The following TMEM163 variants were observed in gnomAD, a reference collection of about 807,000 sequenced individuals.
TMEM163 encodes the protein transmembrane protein 163.
In TMEM163, 17 loss-of-function variants were observed where a neutral mutation model predicts 29.3. The ratio of observed to expected loss-of-function variants is 0.58; its 90% CI spans 0.40 to 0.87. The LOEUF (loss-of-function observed/expected upper bound fraction) is 0.87, where lower values mean the gene tolerates loss of function less well. Ranked by LOEUF, TMEM163 falls within the 40% of genes least tolerant of loss-of-function variation. The pLI, the probability that TMEM163 is intolerant of heterozygous loss-of-function variation, is 0.00. For missense variants in TMEM163, 303 were observed against 381.5 expected (o/e 0.79, Z 1.71); for synonymous variants, 157 against 160.6 (o/e 0.98, Z 0.17).
At chr2:134,635,544 C>A (rs555576507) in intron 2 of TMEM163, among the ~76,000 whole-genome samples, 2 of 152,216 alleles carry the variant, frequency 1.3e-5, no homozygotes, top group Non-Finnish European at 2.9e-5. Context: ...TTCGATGCCG[C>A]TAGAGTCCTG....
chr2:134,491,472 CT>C (rs1679428765), intron 5 of TMEM163, among the ~76,000 whole-genome samples: 1 of 106,178 alleles, frequency 9.4e-6, no homozygotes, highest in Non-Finnish European at 2.2e-5. Context: ...TATCAGGAAA[CT>C]TGGCCAGTTG....
intron 2 of TMEM163, among the ~76,000 whole-genome samples, chr2:134,678,251 G>A (rs1441099956): frequency 1.3e-5 from 2 of 152,200 alleles, no homozygotes; most frequent in African/African-American, 4.8e-5. Context: ...CTTTACATCC[G>A]AGGGGTGCGA....
chr2:134,534,754 A>AAAAATAAAAT (rs559265186), intron 4 of TMEM163, among the ~76,000 whole-genome samples: 16 of 152,184 alleles, frequency 1.1e-4, no homozygotes, highest in African/African-American at 3.4e-4. Flanking sequence ...ACTCCATCTC[A>AAAAATAAAAT]AAAATAAAAT....
intron 2 of TMEM163, among the ~76,000 whole-genome samples, chr2:134,617,760 T>C (rs927354720): frequency 4.6e-5 from 7 of 151,890 alleles, no homozygotes; most frequent in African/African-American, 1.7e-4. Context: ...ATAATTACAA[T>C]AAATGTAAAT....
intron 2 of TMEM163, among the ~76,000 whole-genome samples, chr2:134,573,531 C>A (rs1023671767): frequency 3.3e-5 from 5 of 152,146 alleles, no homozygotes; most frequent in Admixed American, 2.0e-4. Flanking sequence ...AGGTACAGGG[C>A]AGCCCCACAG....
chr2:134,648,152 A>G (rs1216985612), intron 2 of TMEM163, among the ~76,000 whole-genome samples: 1 of 152,182 alleles, frequency 6.6e-6, no homozygotes, highest in Non-Finnish European at 1.5e-5. Context: ...AGGAGAGCTG[A>G]AAAAGGGATG....
intron 2 of TMEM163, among the ~76,000 whole-genome samples, chr2:134,669,030 C>T (rs879599080): frequency 6.6e-5 from 10 of 152,122 alleles, no homozygotes; most frequent in Non-Finnish European, 1.5e-4. Flanking sequence ...CCAGGGCGCC[C>T]CGTGGCCACA....
At chr2:134,539,407 C>A (rs1020289113) in intron 4 of TMEM163, among the ~76,000 whole-genome samples, 2 of 152,114 alleles carry the variant, frequency 1.3e-5, no homozygotes, top group Admixed American at 6.6e-5. Flanking sequence ...GTAAACGCAC[C>A]CAGCGGTGCT....
At chr2:134,569,769 G>C (rs1308393970) in intron 2 of TMEM163, among the ~76,000 whole-genome samples, 1 of 152,102 alleles carries the variant, frequency 6.6e-6, no homozygotes, top group Non-Finnish European at 1.5e-5. Context: ...TGATTCTACT[G>C]TCTGCAGTTT....
intron 2 of TMEM163, among the ~76,000 whole-genome samples, chr2:134,603,879 G>A (rs1316280085): frequency 6.6e-6 from 1 of 151,098 alleles, no homozygotes; most frequent in African/African-American, 2.4e-5. Context: ...GGGAGGGGAA[G>A]GGAGGGGAGG....
chr2:134,672,163 G>T (rs1193001391), intron 2 of TMEM163, among the ~76,000 whole-genome samples: 1 of 152,134 alleles, frequency 6.6e-6, no homozygotes, highest in Non-Finnish European at 1.5e-5. Flanking sequence ...AACCTCCTAA[G>T]TCCTGCCCAT....
chr2:134,584,296 G>C (rs796693005), intron 2 of TMEM163, among the ~76,000 whole-genome samples: 3 of 152,192 alleles, frequency 2.0e-5, no homozygotes, highest in East Asian at 3.8e-4. Context: ...GCTGCCAAGA[G>C]ACGGCTGCAT....
chr2:134,503,720 G>A (rs2106487656), intron 4 of TMEM163, among the ~76,000 whole-genome samples: 1 of 152,244 alleles, frequency 6.6e-6, no homozygotes, highest in East Asian at 1.9e-4. Context: ...CTCAGCACAG[G>A]CGGAGGCAGG....
intron 5 of TMEM163, among the ~76,000 whole-genome samples, chr2:134,491,889 C>A (rs535270460): frequency 5.9e-5 from 9 of 152,328 alleles, no homozygotes; most frequent in African/African-American, 2.2e-4. Context: ...CTTGTACAGT[C>A]ATTTCCTAGG....
At chr2:134,577,514 G>C (rs2104791382) in intron 2 of TMEM163, among the ~76,000 whole-genome samples, 1 of 152,342 alleles carries the variant, frequency 6.6e-6, no homozygotes, top group South Asian at 2.1e-4. Flanking sequence ...CGCAGAGCAA[G>C]CTGGAGCCCT....
At position 134,502,885 on chromosome 2, in the gene TMEM163, A is replaced by G. The variant is rs771560694; in HGVS notation, c.555+16T>C. On this transcript the variant is annotated intron_variant, in intron 5 of 7. Transcript: ENST00000281924. Reference sequence around the variant, plus strand: ...CGCTGGCAGGAAGGATTGTTAAGGAAGAAGAAGGACCTTACCACTTCTGGG... The same window carrying G: ...CGCTGGCAGGAAGGATTGTTAAGGAGGAAGAAGGACCTTACCACTTCTGGG... 37 of 1,611,146 alleles carry G rather than the reference A, an allele frequency of 2.3e-5. No individual in the cohort carries two copies. The highest frequency in any genetic ancestry group is 1.7e-6 in the Non-Finnish European group (2 of 1,178,214).
At chr2:134,658,568 C>T (rs1683674101) in intron 2 of TMEM163, among the ~76,000 whole-genome samples, 1 of 151,904 alleles carries the variant, frequency 6.6e-6, no homozygotes, top group Non-Finnish European at 1.5e-5. Context: ...CAATAGGTAA[C>T]ATAAACATCA....
At chr2:134,545,296 C>T (rs1315444657) in intron 4 of TMEM163, among the ~76,000 whole-genome samples, 1 of 152,184 alleles carries the variant, frequency 6.6e-6, no homozygotes, top group Non-Finnish European at 1.5e-5. Context: ...CAAACACTCT[C>T]ATCCTACCCT....
chr2:134,598,879 C>T (rs1329954434), intron 2 of TMEM163, among the ~76,000 whole-genome samples: 1 of 150,536 alleles, frequency 6.6e-6, no homozygotes, highest in African/African-American at 2.5e-5. Context: ...CTAGATAGTG[C>T]CACTACACTC....
Sources: allele counts gnomAD v4.1 joint callset (sites outside exome capture counted in the v4.1 genomes callset), GRCh38; gene constraint gnomAD v4.1.1; transcripts MANE v1.5; gene names NCBI Gene and HGNC (gene_info 2026-07-23, HGNC 2026-07-21).